The following COBL variants were observed in gnomAD, a reference collection of about 807,000 sequenced individuals.
COBL encodes cordon-bleu WH2 repeat protein.
COBL carries 51 observed loss-of-function variants against 98.8 expected under a neutral mutation model. The observed-to-expected ratio is 0.52, with a 90% CI of 0.41 to 0.65. The LOEUF (loss-of-function observed/expected upper bound fraction) is 0.65. Ranked by LOEUF, COBL falls within the 30% of genes least tolerant of loss-of-function variation. The pLI is 0.00. For missense variants in COBL, 1,617 were observed against 1,617.5 expected (o/e 1.00, Z 0.01); for synonymous variants, 634 against 651.7 (o/e 0.97, Z 0.41).
At chr7:51,122,716 C>T (rs1053683413) in intron 6 of COBL, among the ~76,000 whole-genome samples, 3 of 152,194 alleles carry the variant, frequency 2.0e-5, no homozygotes, top group African/African-American at 7.2e-5. Flanking sequence ...CAGTGGCTCA[C>T]ACCTGTAATC....
rs139848075 is a variant in COBL, at chr7:51,047,562, G to A, written c.1097-3870C>T. Among the ~76,000 whole-genome samples, 4 of 152,230 alleles carry A rather than the reference G, an allele frequency of 2.6e-5. No homozygotes were observed. The East Asian group carries it at 7.7e-4, about 29-fold the overall frequency. On this transcript the variant is annotated intron_variant, in intron 7 of 12. Transcript: ENST00000265136. ...GATTCATTTTATTGTTTTATTAAACGCAAATTAAAGATCTTGTGTCCTATG... is the reference window on the plus strand; with the variant it reads ...GATTCATTTTATTGTTTTATTAAACACAAATTAAAGATCTTGTGTCCTATG...
At chr7:51,031,488 C>T (rs1410085315) in intron 8 of COBL, 4 of 152,820 alleles carry the variant, frequency 2.6e-5, no homozygotes, top group Non-Finnish European at 5.8e-5. Flanking sequence ...TTCAAGGTCC[C>T]AGTGATAAAG....
At chr7:51,254,570 C>T (rs1204483872) in intron 1 of COBL, among the ~76,000 whole-genome samples, 1 of 152,158 alleles carries the variant, frequency 6.6e-6, no homozygotes, top group Non-Finnish European at 1.5e-5. Flanking sequence ...CTCTTTCCAT[C>T]CCCCATTTTT....
intron 1 of COBL, among the ~76,000 whole-genome samples, chr7:51,293,604 T>C (rs1191098501): frequency 6.6e-6 from 1 of 152,194 alleles, no homozygotes; most frequent in Non-Finnish European, 1.5e-5. Context: ...ATCTCAACTG[T>C]GGTAACAGTT....
At chr7:51,087,914 A>G (rs1016135863) in intron 6 of COBL, among the ~76,000 whole-genome samples, 1 of 151,446 alleles carries the variant, frequency 6.6e-6, no homozygotes, top group African/African-American at 2.4e-5. Context: ...ACTATACTGG[A>G]CAGTCAGTAT....
At chr7:51,099,872 T>G (rs1347730029) in intron 6 of COBL, among the ~76,000 whole-genome samples, 2 of 152,216 alleles carry the variant, frequency 1.3e-5, no homozygotes, top group Non-Finnish European at 2.9e-5. Context: ...TTTCTGTTAA[T>G]ACCTACTTAT....
chr7:51,224,207 A>C lies in COBL; in HGVS notation c.42-4263T>G, dbSNP rs1793943626. Among the ~76,000 whole-genome samples the C allele has an allele frequency of 2.0e-5, 3 of 152,354 alleles. No individual in the cohort carries two copies. The South Asian group carries it at 6.2e-4, about 32-fold the overall frequency. ...TGTTCACCCAAGGATGAAGTCCCTT[A>C]AGGATACATTTCTCAGAGTGCGCCC... On this transcript the variant is annotated intron_variant, in intron 1 of 12. Coordinates refer to ENST00000265136, the MANE Select transcript of COBL (RefSeq NM_015198.5).
intron 7 of COBL, chr7:51,064,792 A>C: frequency 4.7e-6 from 1 of 211,612 alleles, no homozygotes; most frequent in East Asian, 1.0e-4. Flanking sequence ...AAGCATACTG[A>C]TGCTGCAGCT....
chr7:51,234,303 G>T (rs1475897403), intron 1 of COBL, among the ~76,000 whole-genome samples: 1 of 152,222 alleles, frequency 6.6e-6, no homozygotes, highest in Non-Finnish European at 1.5e-5. Flanking sequence ...GGCACTTCTT[G>T]TCCACTGTTA....
In COBL at chr7:51,017,638, G is replaced by C. The variant is rs758359521; in HGVS notation, c.3769-70C>G. On this transcript the variant is annotated intron_variant, in intron 12 of 12. Coordinates refer to ENST00000265136, the MANE Select transcript of COBL (RefSeq NM_015198.5). ...CCAGGATGCAGATCTTCTGGTGCTA[G>C]AGAGCTCTGTGCACAGCCACTCTTG... The C allele has an allele frequency of 4.6e-6, 7 of 1,526,870 alleles. No homozygotes were observed. The African/African-American group carries it at 6.8e-5, about 15-fold the overall frequency. 94.6% of individuals were successfully genotyped at this position (1,526,870 alleles called of 1,614,324 possible). A position where few individuals can be genotyped will look rare whatever the true frequency, so the allele number is the denominator to read the frequency against.
chr7:51,210,457 C>A (rs889515786), intron 2 of COBL, among the ~76,000 whole-genome samples: 3 of 152,182 alleles, frequency 2.0e-5, no homozygotes, highest in African/African-American at 7.2e-5. Flanking sequence ...CCCAGGACAG[C>A]GGGGCTTCCA....
At chr7:51,071,444 G>A (rs1792544946) in intron 7 of COBL, 1 of 152,136 alleles carries the variant, frequency 6.6e-6, no homozygotes, top group Admixed American at 6.6e-5. Flanking sequence ...CTAGAGTATT[G>A]TCAAAGATCG....
At chr7:51,172,622 G>T in intron 5 of COBL, 1 of 878,490 alleles carries the variant, frequency 1.1e-6, no homozygotes, top group Non-Finnish European at 1.5e-6. Flanking sequence ...AAATGCCAGT[G>T]TGGCCACAAG....
chr7:51,127,804 G>A (rs1798365646), intron 6 of COBL, among the ~76,000 whole-genome samples: 1 of 152,110 alleles, frequency 6.6e-6, no homozygotes, highest in African/African-American at 2.4e-5. Flanking sequence ...GCTCTTTTGG[G>A]GGACAGAACA....
chr7:51,282,909 T>C lies in COBL; in HGVS notation c.41+33684A>G, dbSNP rs991381205. 3.3e-5 allele frequency among the ~76,000 whole-genome samples: 5 copies of C among 151,878 alleles called. No individual in the cohort carries two copies. The South Asian group carries it at 1.0e-3, about 32-fold the overall frequency. On this transcript the variant is annotated intron_variant, in intron 1 of 12. Transcript: ENST00000265136. ...ATCAGTAACAAAGATAACCATAAAATCTATAAACACTTGGAAATGTAATCA... is the reference window on the plus strand; with the variant it reads ...ATCAGTAACAAAGATAACCATAAAACCTATAAACACTTGGAAATGTAATCA...
At chr7:51,206,554 T>G (rs1791738080) in intron 2 of COBL, among the ~76,000 whole-genome samples, 1 of 151,424 alleles carries the variant, frequency 6.6e-6, no homozygotes, top group African/African-American at 2.4e-5. Context: ...CACTCCCATA[T>G]CTATTGCAGC....
chr7:51,164,741 T>C (rs1787127817), intron 5 of COBL, among the ~76,000 whole-genome samples: 2 of 152,070 alleles, frequency 1.3e-5, no homozygotes, highest in South Asian at 4.1e-4. Flanking sequence ...CTATGGTGTA[T>C]AAACTACTCT....
intron 6 of COBL, among the ~76,000 whole-genome samples, chr7:51,100,381 G>A (rs894981371): frequency 6.6e-6 from 1 of 152,176 alleles, no homozygotes; most frequent in Non-Finnish European, 1.5e-5. Flanking sequence ...GTCTAATGGA[G>A]GAGAGATAAT....
chr7:51,207,956 C>T (rs1376851459), intron 2 of COBL, among the ~76,000 whole-genome samples: 5 of 137,336 alleles, frequency 3.6e-5, no homozygotes, highest in African/African-American at 1.3e-4. Context: ...AGCGTCTCTG[C>T]CTGGCCGCCA....
Sources: allele counts gnomAD v4.1 joint callset (sites outside exome capture counted in the v4.1 genomes callset), GRCh38; gene constraint gnomAD v4.1.1; transcripts MANE v1.5; gene names NCBI Gene and HGNC (gene_info 2026-07-23, HGNC 2026-07-21).